The following HDAC4 variants were observed in gnomAD, a reference collection of about 807,000 sequenced individuals.
HDAC4 encodes the protein histone deacetylase A.
Under a neutral mutation model 135.1 loss-of-function variants are expected in HDAC4, and 16 were observed. That is an observed-to-expected ratio of 0.12 (90% confidence interval 0.08 to 0.18). The LOEUF is 0.18. Among genes scored for constraint, HDAC4 ranks in the 10% least tolerant of loss-of-function variants. The probability of loss-of-function intolerance (pLI) is 1.00; values close to 1 mark genes in which losing one functional copy is unlikely to be tolerated. For synonymous variants in HDAC4, 685 were observed against 653.4 expected, an observed-to-expected ratio of 1.05 and a Z score of -0.74; for missense variants, 1,143 against 1,511.8, an observed-to-expected ratio of 0.76 and a Z score of 4.05.
chr2:239,209,026 G>A (rs918571666), intron 3 of HDAC4, among the ~76,000 whole-genome samples: 3 of 152,248 alleles, frequency 2.0e-5, no homozygotes, highest in South Asian at 2.1e-4. Flanking sequence ...ACAGAGGCGC[G>A]CCATCACGCA....
At chr2:239,110,518 T>A (rs3791414) in intron 14 of HDAC4, among the ~76,000 whole-genome samples, 2 of 152,010 alleles carry the variant, frequency 1.3e-5, no homozygotes, top group Admixed American at 6.5e-5. Context: ...TGACCTTCCA[T>A]GGTTTTCTTT....
At chr2:239,070,682 C>A (rs1169302346) in intron 22 of HDAC4, among the ~76,000 whole-genome samples, 1 of 152,218 alleles carries the variant, frequency 6.6e-6, no homozygotes, top group Non-Finnish European at 1.5e-5. Context: ...CTGGTGTCTT[C>A]CTGCAATGAC....
At chr2:239,221,239 C>G (rs577417126) in intron 3 of HDAC4, among the ~76,000 whole-genome samples, 1 of 152,252 alleles carries the variant, frequency 6.6e-6, no homozygotes, top group Non-Finnish European at 1.5e-5. Context: ...TCGGCCCGTT[C>G]TCTGACATAA....
intron 15 of HDAC4, 75 bp downstream of exon 15, chr2:239,107,975 A>G (rs886881875): frequency 6.3e-7 from 1 of 1,580,946 alleles, no homozygotes. Flanking sequence ...AACACCCTGA[A>G]TCACGCGGGC....
intron 3 of HDAC4, among the ~76,000 whole-genome samples, chr2:239,225,206 T>C (rs2047171896): frequency 6.6e-6 from 1 of 152,234 alleles, no homozygotes; most frequent in Non-Finnish European, 1.5e-5. Flanking sequence ...TAATGTAATA[T>C]GCTTTACAAA....
At chr2:239,401,539 C>T (rs926927718), upstream of HDAC4, 11 of 204,484 alleles carry the variant, frequency 5.4e-5, no homozygotes, top group Non-Finnish European at 2.0e-5. Flanking sequence ...GCCTAGCGGT[C>T]AGCACCGCAT....
chr2:239,367,424 T>C (rs1250785013), intron 1 of HDAC4, among the ~76,000 whole-genome samples: 1 of 152,188 alleles, frequency 6.6e-6, no homozygotes, highest in Non-Finnish European at 1.5e-5. Context: ...GTTTATTCAG[T>C]TTCAAATGAG....
chr2:239,222,624 A>G (rs2047023907), intron 3 of HDAC4, among the ~76,000 whole-genome samples: 1 of 152,054 alleles, frequency 6.6e-6, no homozygotes, highest in African/African-American at 2.4e-5. Context: ...CCCAGAAATA[A>G]CAGACAGAAC....
chr2:239,384,596 A>G (rs913948994), intron 1 of HDAC4, among the ~76,000 whole-genome samples: 4 of 152,148 alleles, frequency 2.6e-5, no homozygotes, highest in African/African-American at 9.7e-5. Flanking sequence ...CGGCCTGCAC[A>G]ACAGATCAAG....
intron 11 of HDAC4, among the ~76,000 whole-genome samples, chr2:239,133,642 T>C (rs559905520): frequency 2.6e-5 from 4 of 152,128 alleles, no homozygotes; most frequent in Admixed American, 2.0e-4. Context: ...AATTTTTGTA[T>C]TTTTAGTAGA....
intron 2 of HDAC4, among the ~76,000 whole-genome samples, chr2:239,324,695 C>T (rs2053418600): frequency 6.6e-6 from 1 of 152,214 alleles, no homozygotes; most frequent in Non-Finnish European, 1.5e-5. Context: ...TGCAGAAAGC[C>T]TGTTCTCTGT....
chr2:239,340,416 G>A (rs1239489103), intron 2 of HDAC4, among the ~76,000 whole-genome samples: 5 of 152,238 alleles, frequency 3.3e-5, no homozygotes, highest in Admixed American at 1.3e-4. Context: ...GCCCCACTGA[G>A]CTCCAGTCTG....
intron 12 of HDAC4, among the ~76,000 whole-genome samples, chr2:239,125,942 G>A (rs907205173): frequency 6.6e-6 from 1 of 152,262 alleles, no homozygotes; most frequent in African/African-American, 2.4e-5. Context: ...GGCCCTGTAC[G>A]CTGCTTACCC....
rs1317629015 is a variant in HDAC4, at chr2:239,167,682, C to T, written c.491-3759G>A. ...CACTTAAAGTTCTAGAATGAAAAAA[C>T]CCATTCAACAAATGGATAGCAGATC... On this transcript the variant is annotated intron_variant, in intron 5 of 26. Coordinates refer to ENST00000543185, the MANE Select transcript of HDAC4 (RefSeq NM_001378414.1). This position sits in a 1 kb window ranked among gnomAD's most constrained non-coding sequence, Gnocchi z 4.1. 3.3e-5 allele frequency among the ~76,000 whole-genome samples: 5 copies of T among 152,142 alleles called. No homozygotes were observed. The highest frequency in any genetic ancestry group is 2.0e-4 in the Admixed American group (3 of 15,280).
At chr2:239,276,366 C>T (rs1575588920) in intron 2 of HDAC4, among the ~76,000 whole-genome samples, 1 of 152,374 alleles carries the variant, frequency 6.6e-6, no homozygotes, top group Non-Finnish European at 1.5e-5. Context: ...CTGCCTCCAG[C>T]TCCCTGTGTC....
intron 2 of HDAC4, among the ~76,000 whole-genome samples, chr2:239,286,162 G>A (rs568831747): frequency 6.6e-6 from 1 of 152,150 alleles, no homozygotes; most frequent in East Asian, 1.9e-4. Flanking sequence ...AAAAGTTTAT[G>A]AAAATACTTG....
At chr2:239,163,991 C>G in intron 5 of HDAC4, 68 bp from the exon 6 acceptor site, 1 of 1,587,870 alleles carries the variant, frequency 6.3e-7, no homozygotes, top group Non-Finnish European at 8.6e-7. Flanking sequence ...TGCAGGGCAG[C>G]GGGGCCACAG....
chr2:239,320,242 C>A (rs1441259487), intron 2 of HDAC4, among the ~76,000 whole-genome samples: 1 of 151,158 alleles, frequency 6.6e-6, no homozygotes. Flanking sequence ...AGTTAGCTGG[C>A]GTGGTGGGAG....
At chr2:239,231,415 G>A (rs1275599276) in intron 3 of HDAC4, among the ~76,000 whole-genome samples, 1 of 151,920 alleles carries the variant, frequency 6.6e-6, no homozygotes, top group Non-Finnish European at 1.5e-5. Context: ...AGCGACCCTG[G>A]GACAGCGGCC....
Sources: allele counts gnomAD v4.1 joint callset (sites outside exome capture counted in the v4.1 genomes callset), GRCh38; gene constraint gnomAD v4.1.1; non-coding constraint Gnocchi (gnomAD v3.1); transcripts MANE v1.5; gene names NCBI Gene and HGNC (gene_info 2026-07-23, HGNC 2026-07-21).